Variants in CRAMP1 observed in about 807,000 individuals in gnomAD.
The protein encoded by CRAMP1 is protein cramped-like.
Under a neutral mutation model 115.4 loss-of-function variants are expected in CRAMP1, and 50 were observed. The observed-to-expected ratio is 0.43, with a 90% CI of 0.35 to 0.55. CRAMP1 has a LOEUF of 0.55. Ranked by LOEUF, CRAMP1 falls within the 20% of genes least tolerant of loss-of-function variation. CRAMP1 has a pLI of 0.01. For synonymous variants in CRAMP1, 866 were observed against 745.4 expected, an observed-to-expected ratio of 1.16 and a Z score of -2.64; for missense variants, 1,679 against 1,721.7, an observed-to-expected ratio of 0.98 and a Z score of 0.44.
intron 9 of CRAMP1, 30 bp downstream of exon 9, chr16:1,655,330 C>T (rs767610581): frequency 1.0e-5 from 16 of 1,576,648 alleles, no homozygotes; most frequent in Admixed American, 1.7e-5. Context: ...GCAAACCATC[C>T]AGGCTGCGCT....
In CRAMP1 at chr16:1,655,225, C is replaced by G. The variant is rs371062747; in HGVS notation, c.1044C>G (p.Ile348Met). The change falls in exon 9 of 21, where the codon ATC becomes ATG. Residue 348 changes from isoleucine to methionine, a missense_variant. Ile to Met is a conservative substitution (Grantham distance 10). Coordinates refer to ENST00000397412, the MANE Select transcript of CRAMP1 (RefSeq NM_020825.4). ...SLAQNPRLRM[I>M]VELHRKVSSL... is the part of the protein sequence containing the mutation. ...CTGTCTGTCGTCTCCGTAGGATGATCGTGGAGCTACATCGAAAGGTCTCCA... is the reference window on the plus strand; with the variant it reads ...CTGTCTGTCGTCTCCGTAGGATGATGGTGGAGCTACATCGAAAGGTCTCCA... 1.2e-6 allele frequency: 2 copies of G among 1,613,634 alleles called. No homozygotes were observed. The highest frequency in any genetic ancestry group is 1.1e-5 in the South Asian group (1 of 91,064).
At chr16:1,618,017 C>T (rs2036435757) in intron 2 of CRAMP1, among the ~76,000 whole-genome samples, 1 of 152,216 alleles carries the variant, frequency 6.6e-6, no homozygotes, top group African/African-American at 2.4e-5. Context: ...CTCTAATACA[C>T]CACCCACGTG....
intron 2 of CRAMP1, among the ~76,000 whole-genome samples, chr16:1,618,757 C>T (rs190367673): frequency 2.6e-5 from 4 of 152,252 alleles, no homozygotes; most frequent in Admixed American, 2.0e-4. Flanking sequence ...GTAGTCCTAG[C>T]TACTCAGGAG....
chr16:1,635,658 A>G (rs189959452), intron 4 of CRAMP1, among the ~76,000 whole-genome samples: 14 of 152,296 alleles, frequency 9.2e-5, no homozygotes, highest in African/African-American at 2.9e-4. Flanking sequence ...CATTTCAAAT[A>G]GTGGACTTTA....
At chr16:1,647,054 A>AGG (rs779601728) in intron 6 of CRAMP1, 15 of 702,872 alleles carry the variant, frequency 2.1e-5, no homozygotes, top group South Asian at 1.0e-4. Flanking sequence ...AAACCTGTCA[A>AGG]GGTGAGAGAT....
At chr16:1,654,387 TTTTTAGTAGAAACGGGG>T (rs770631410) in intron 8 of CRAMP1, among the ~76,000 whole-genome samples, 64 of 152,044 alleles carry the variant, frequency 4.2e-4, no homozygotes, top group Non-Finnish European at 6.5e-4. Flanking sequence ...AATTTTTGTA[TTTTTAGTAGAAACGGGG>T]TTTCACCATG....
intron 6 of CRAMP1, among the ~76,000 whole-genome samples, chr16:1,651,458 A>T (rs1454692240): frequency 6.7e-6 from 1 of 149,104 alleles, no homozygotes. Flanking sequence ...GGTCATGTTG[A>T]GGTGGACTGA....
At chr16:1,652,731 T>C in intron 7 of CRAMP1, 150 bp downstream of exon 7, 1 of 747,204 alleles carries the variant, frequency 1.3e-6, no homozygotes, top group Non-Finnish European at 2.2e-6. Flanking sequence ...CTCTTGAACT[T>C]GAAATGCTCC....
intron 4 of CRAMP1, among the ~76,000 whole-genome samples, chr16:1,634,723 C>G (rs1179821626): frequency 6.6e-6 from 1 of 152,206 alleles, no homozygotes; most frequent in Non-Finnish European, 1.5e-5. Context: ...GGCTGTCTGC[C>G]TCCGTGCCAG....
At chr16:1,621,991 C>T (rs1012565513) in intron 2 of CRAMP1, among the ~76,000 whole-genome samples, 7 of 152,168 alleles carry the variant, frequency 4.6e-5, no homozygotes, top group Non-Finnish European at 8.8e-5. Flanking sequence ...CAGTCATCAC[C>T]TTCTGTTTTC....
Position 1,656,208 on chromosome 16 carries a change from A to C in CRAMP1, c.1451A>C (p.Gln484Pro), listed in dbSNP as rs781286981. The C allele has an allele frequency of 1.2e-6, 2 of 1,603,346 alleles. No homozygotes were observed. The highest frequency in any genetic ancestry group is 3.4e-5 in the Admixed American group (2 of 59,234). The change falls in exon 10 of 21, where the codon CAG (glutamine) becomes CCG (proline). Residue 484 changes from glutamine (Q) to proline (P), a missense_variant. Coordinates refer to ENST00000397412, the MANE Select transcript of CRAMP1 (RefSeq NM_020825.4). This position sits in a 1 kb window ranked among gnomAD's most constrained non-coding sequence, Gnocchi z 5.6. The stretch of plus-strand genomic sequence containing the variant: ...CCCCCTCCTGCGGCTGACGCCTTGC[A>C]GAGCTCCGGAGAGAGTTCCCCCGAA... The part of the protein sequence containing the change: ...GRPPPAADAL[Q>P]SSGESSPESA...
intron 6 of CRAMP1, among the ~76,000 whole-genome samples, chr16:1,647,376 A>G (rs1263328405): frequency 1.3e-5 from 2 of 152,206 alleles, no homozygotes; most frequent in Non-Finnish European, 2.9e-5. Context: ...CCAGGCTCCC[A>G]TGTACATAGA....
chr16:1,626,315 A>AG (rs34076974), intron 3 of CRAMP1, 149 bp downstream of exon 3: 669,068 of 669,074 alleles, frequency 1, 334,531 homozygotes, highest in African/African-American at 1. Context: ...TGTGGGCTCT[A>AG]GCCTTGCCCA....
intron 11 of CRAMP1, among the ~76,000 whole-genome samples, chr16:1,661,326 C>G (rs1197463450): frequency 6.6e-6 from 1 of 151,314 alleles, no homozygotes. Flanking sequence ...GTGAGAGGTC[C>G]TGGCCTCCTG....
At position 1,668,092 on chromosome 16, in the gene CRAMP1, T is replaced by A. The variant is rs1176368479; in HGVS notation, c.3233T>A (p.Ile1078Asn). The A allele has an allele frequency of 6.2e-7, 1 of 1,613,588 alleles. No individual in the cohort carries two copies. Among genetic ancestry groups the A allele is most frequent in the African/African-American group, 1.3e-5 (1 of 74,890 alleles). Reference sequence around the variant, plus strand: ...CCAGACGTCTCTGCTCTGCTCGACATCTCCCTGCCCGGCCCACCTGAGGAT... The same window carrying A: ...CCAGACGTCTCTGCTCTGCTCGACAACTCCCTGCCCGGCCCACCTGAGGAT... ...SPPDVSALLDISLPGPPEDAL... is the reference protein window; with the variant it reads ...SPPDVSALLDNSLPGPPEDAL... The change falls in exon 18 of 21, where the codon ATC (isoleucine) becomes AAC (asparagine). Residue 1078 changes from isoleucine to asparagine, a missense_variant. Physicochemically the swap from Ile to Asn is moderately radical, Grantham distance 149. Transcript: ENST00000397412.
intron 6 of CRAMP1, among the ~76,000 whole-genome samples, chr16:1,648,938 A>G (rs1403134619): frequency 1.3e-5 from 2 of 152,140 alleles, no homozygotes; most frequent in East Asian, 3.9e-4. Context: ...AGGCGCCTGT[A>G]GTCCCAGCTA....
Position 1,667,992 on chromosome 16 carries a change from C to T in CRAMP1, c.3133C>T (p.Pro1045Ser). 1 of 1,612,990 alleles carries T rather than the reference C, an allele frequency of 6.2e-7. No individual in the cohort carries two copies. Among genetic ancestry groups the T allele is most frequent in the African/African-American group, 1.3e-5 (1 of 74,992 alleles). The change falls in exon 18 of 21, where the codon CCC (proline) becomes TCC (serine). Residue 1045 changes from proline to serine, a missense_variant. By Grantham distance (74) the Pro-to-Ser change is moderately conservative. This residue lies in a region of CRAMP1 where 709 missense variants were observed against 741.9 expected (regional missense o/e 0.96). Coordinates refer to ENST00000397412, the MANE Select transcript of CRAMP1 (RefSeq NM_020825.4). ...GSSVLSLSELPKAPLQNGLSI... is the reference protein window; with the variant it reads ...GSSVLSLSELSKAPLQNGLSI... Reference sequence around the variant, plus strand: ...ATCTGTTCTCTCCTTATCTGAGCTGCCCAAGGCCCCTCTCCAGAATGGCCT... The same window carrying T: ...ATCTGTTCTCTCCTTATCTGAGCTGTCCAAGGCCCCTCTCCAGAATGGCCT...
intron 9 of CRAMP1, among the ~76,000 whole-genome samples, chr16:1,655,644 C>T (rs1248774493): frequency 6.6e-6 from 1 of 152,228 alleles, no homozygotes. Context: ...TGGCTCCCGG[C>T]CCTGCCTGCT....
intron 6 of CRAMP1, among the ~76,000 whole-genome samples, chr16:1,643,667 C>T (rs926548165): frequency 1.5e-4 from 23 of 152,232 alleles, no homozygotes; most frequent in Non-Finnish European, 2.4e-4. Context: ...CTCATCCTCC[C>T]GGGCAGCAGG....
Sources: gnomAD v4.1 joint callset for allele counts (sites outside exome capture counted in the v4.1 genomes callset) on GRCh38, gnomAD v4.1.1 for gene constraint, gnomAD v4.1.1 regional missense constraint, Gnocchi (gnomAD v3.1) non-coding constraint, MANE v1.5 for transcripts, NCBI Gene and HGNC (gene_info 2026-07-23, HGNC 2026-07-21) for gene names.